ESRRG: variants seen among roughly 807,000 people sequenced by gnomAD.
ESRRG encodes the protein estrogen related receptor gamma.
A neutral mutation model predicts 44.0 loss-of-function variants in ESRRG; 13 were observed. The observed-to-expected ratio is 0.30, with a 90% CI of 0.19 to 0.47. The LOEUF (loss-of-function observed/expected upper bound fraction) is 0.47, where lower values mean the gene tolerates loss of function less well. Among genes scored for constraint, ESRRG ranks in the 20% least tolerant of loss-of-function variants. The pLI is 1.00. For missense variants in ESRRG, 395 were observed against 580.6 expected (o/e 0.68, Z 3.29); for synonymous variants, 215 against 214.6 (o/e 1.00, Z -0.02).
intron 1 of ESRRG, among the ~76,000 whole-genome samples, chr1:216,992,207 C>T (rs758191481): frequency 2.6e-5 from 4 of 152,194 alleles, no homozygotes; most frequent in Non-Finnish European, 5.9e-5. Context: ...TTGTGACTCC[C>T]CTTCAGTGAT....
chr1:217,112,829 C>T (rs2092675137), intron 1 of ESRRG, among the ~76,000 whole-genome samples: 1 of 152,144 alleles, frequency 6.6e-6, no homozygotes, highest in African/African-American at 2.4e-5. Flanking sequence ...AAACTTTCAG[C>T]CACATGAAGG....
At chr1:216,982,604 A>G (rs532480155) in intron 1 of ESRRG, among the ~76,000 whole-genome samples, 1 of 152,342 alleles carries the variant, frequency 6.6e-6, no homozygotes, top group South Asian at 2.1e-4. Flanking sequence ...AAAAAAAGGT[A>G]TTGAAAAAGA....
At chr1:216,758,376 G>A (rs1035983455) in intron 2 of ESRRG, among the ~76,000 whole-genome samples, 3 of 152,050 alleles carry the variant, frequency 2.0e-5, no homozygotes, top group African/African-American at 7.2e-5. Flanking sequence ...AAATCTAAAT[G>A]TGGCGGCACT....
chr1:216,851,771 T>C (rs1170314634), intron 2 of ESRRG, among the ~76,000 whole-genome samples: 2 of 152,242 alleles, frequency 1.3e-5, no homozygotes, highest in Non-Finnish European at 1.5e-5. Flanking sequence ...GCATCTCTCA[T>C]TGACCCGGCT....
chr1:216,668,333 C>A (rs1435324058), intron 2 of ESRRG, among the ~76,000 whole-genome samples: 1 of 152,112 alleles, frequency 6.6e-6, no homozygotes, highest in Non-Finnish European at 1.5e-5. Flanking sequence ...GGCATATACC[C>A]CTTACATGGG....
rs568089226 is a variant in ESRRG, at chr1:217,064,241, T to C, written c.-106+25266A>G. Among the ~76,000 whole-genome samples, 3 of 152,140 alleles carry C rather than the reference T, an allele frequency of 2.0e-5. No individual in the cohort carries two copies. The East Asian group carries it at 5.8e-4, about 29-fold the overall frequency. On this transcript the variant is annotated intron_variant, in intron 1 of 7. Transcript: ENST00000359162. ...GTATGTACATTACACACATATGTGTTATGTGTATATATACATATATGTATG... is the reference window on the plus strand; with the variant it reads ...GTATGTACATTACACACATATGTGTCATGTGTATATATACATATATGTATG...
At chr1:217,061,516 C>T (rs1187079862) in intron 1 of ESRRG, among the ~76,000 whole-genome samples, 1 of 152,016 alleles carries the variant, frequency 6.6e-6, no homozygotes, top group Non-Finnish European at 1.5e-5. Flanking sequence ...ACAGTTGCAC[C>T]GGACTATAGA....
chr1:216,707,568 G>T, intron 1 of ESRRG: 1 of 1,373,810 alleles, frequency 7.3e-7, no homozygotes, highest in Admixed American at 2.6e-5. Flanking sequence ...CTTAAGTCCT[G>T]AATTTATTTT....
At chr1:217,010,084 T>C (rs2078345083) in intron 1 of ESRRG, among the ~76,000 whole-genome samples, 1 of 152,116 alleles carries the variant, frequency 6.6e-6, no homozygotes, top group African/African-American at 2.4e-5. Flanking sequence ...CACTTTTTTA[T>C]TGATGGAGTA....
intron 3 of ESRRG, among the ~76,000 whole-genome samples, chr1:216,632,801 T>A (rs982241288): frequency 6.6e-6 from 1 of 152,024 alleles, no homozygotes; most frequent in Non-Finnish European, 1.5e-5. Context: ...ATAAAGTCAA[T>A]GCCCGAAAGA....
intron 1 of ESRRG, among the ~76,000 whole-genome samples, chr1:216,699,548 G>C (rs913864913): frequency 6.6e-6 from 1 of 152,088 alleles, no homozygotes; most frequent in Non-Finnish European, 1.5e-5. Context: ...GGAAAAACCT[G>C]GAAGAATGAT....
intron 2 of ESRRG, among the ~76,000 whole-genome samples, chr1:216,912,203 G>A (rs1357050749): frequency 1.8e-3 from 13 of 7,392 alleles, no homozygotes; most frequent in Admixed American, 0.012. Context: ...GAGGAGAGGA[G>A]AGGAGAGGAG....
At chr1:217,100,959 G>A (rs74366877) in intron 1 of ESRRG, among the ~76,000 whole-genome samples, 2 of 152,298 alleles carry the variant, frequency 1.3e-5, no homozygotes, top group East Asian at 3.9e-4. Context: ...TGGCCACAAA[G>A]CCTGAACCTC....
At chr1:216,554,276 A>G (rs2057043379) in intron 5 of ESRRG, among the ~76,000 whole-genome samples, 1 of 151,968 alleles carries the variant, frequency 6.6e-6, no homozygotes, top group Admixed American at 6.6e-5. Flanking sequence ...CAACATGGTG[A>G]AACTCCTCCT....
chr1:216,815,059 C>G (rs78862392), intron 2 of ESRRG, among the ~76,000 whole-genome samples: 1 of 152,138 alleles, frequency 6.6e-6, no homozygotes, highest in African/African-American at 2.4e-5. Context: ...AGGGAAGAAG[C>G]ATAGATTAGC....
At chr1:216,984,313 T>C (rs2074508473) in intron 1 of ESRRG, among the ~76,000 whole-genome samples, 1 of 152,146 alleles carries the variant, frequency 6.6e-6, no homozygotes, top group African/African-American at 2.4e-5. Flanking sequence ...TTACTACACT[T>C]AGAGAATGAC....
chr1:216,787,205 T>C (rs1307958193), intron 2 of ESRRG, among the ~76,000 whole-genome samples: 1 of 152,118 alleles, frequency 6.6e-6, no homozygotes. Flanking sequence ...ATAAACGTTG[T>C]GTCTGTTTGA....
intron 2 of ESRRG, among the ~76,000 whole-genome samples, chr1:216,939,339 TAGACAAAAAAA>T (rs1430175749): frequency 3.7e-4 from 4 of 10,764 alleles, no homozygotes; most frequent in African/African-American, 1.1e-3. Context: ...ATCCTACACA[TAGACAAAAAAA>T]AAAAAAAAAA....
At chr1:216,532,223 T>G (rs1335564139) in intron 5 of ESRRG, among the ~76,000 whole-genome samples, 3 of 152,004 alleles carry the variant, frequency 2.0e-5, no homozygotes, top group African/African-American at 7.2e-5. Context: ...ATAGTGGAGA[T>G]TAATTCTAAA....
Sources: gnomAD v4.1 joint callset for allele counts (sites outside exome capture counted in the v4.1 genomes callset) on GRCh38, gnomAD v4.1.1 for gene constraint, MANE v1.5 for transcripts, NCBI Gene and HGNC (gene_info 2026-07-23, HGNC 2026-07-21) for gene names.